The following ARID1B variants were observed in gnomAD, a reference collection of about 807,000 sequenced individuals.
ARID1B encodes the protein AT-rich interactive domain-containing protein 1B.
ARID1B carries 30 observed loss-of-function variants against 212.3 expected under a neutral mutation model. The ratio of observed to expected loss-of-function variants is 0.14; its 90% confidence interval spans 0.11 to 0.19. The LOEUF is 0.19. Ranked by LOEUF, ARID1B falls within the 10% of genes least tolerant of loss-of-function variation. The pLI, the probability that ARID1B is intolerant of heterozygous loss-of-function variation, is 1.00. For missense variants in ARID1B, 2,891 were observed against 3,204.0 expected (o/e 0.90, Z 2.36); for synonymous variants, 1,402 against 1,301.7 (o/e 1.08, Z -1.66).
rs577944746 is a variant in ARID1B at position 157,190,543 on chromosome 6, G to C, written c.4231+333G>C. ...TAGGACCCGCTTCCAAAGGCATGGC[G>C]AGGATTAAGTTCCTGCAACAGAGCT... On this transcript the variant is annotated intron_variant, in intron 15 of 19. Transcript: ENST00000636930. This position sits in a 1 kb window ranked among gnomAD's most constrained non-coding sequence, Gnocchi z 4.6. 2.0e-5 allele frequency among the ~76,000 whole-genome samples: 3 copies of C among 152,214 alleles called. No homozygotes were observed. The highest frequency in any genetic ancestry group is 2.0e-4 in the Admixed American group (3 of 15,286).
At chr6:157,026,000 C>T (rs1326239291) in intron 4 of ARID1B, among the ~76,000 whole-genome samples, 3 of 152,060 alleles carry the variant, frequency 2.0e-5, no homozygotes, top group Non-Finnish European at 4.4e-5. Context: ...TTTCGGCTCA[C>T]TGCAGCCTCC....
rs73005131 is a variant in ARID1B, at chr6:157,049,692, G to A, written c.2248-34970G>A. On this transcript the variant is annotated intron_variant, in intron 4 of 19. Transcript: ENST00000636930. ...CAAATGAATACATATTATTTATAAT[G>A]AGAATTGGATATAGGCTTATCTTAT... Among the ~76,000 whole-genome samples, 678 of 152,274 alleles carry A rather than the reference G, an allele frequency of 4.5e-3. 5 individuals carry two copies. The highest frequency in any genetic ancestry group is 7.1e-3 in the Non-Finnish European group (483 of 68,022).
At chr6:157,187,748 T>TC (rs1554232533) in intron 13 of ARID1B, among the ~76,000 whole-genome samples, 1 of 150,770 alleles carries the variant, frequency 6.6e-6, no homozygotes, top group Non-Finnish European at 1.5e-5. Flanking sequence ...TTTTTTTTTT[T>TC]CCATGAAAGG....
chr6:157,019,909 A>G (rs1780121191), intron 4 of ARID1B, among the ~76,000 whole-genome samples: 1 of 152,240 alleles, frequency 6.6e-6, no homozygotes. Flanking sequence ...GTGTATCTGG[A>G]CGACTCCTGT....
intron 4 of ARID1B, among the ~76,000 whole-genome samples, chr6:157,082,969 A>G (rs1411925784): frequency 6.6e-6 from 1 of 152,240 alleles, no homozygotes; most frequent in East Asian, 1.9e-4. Context: ...ATTATATGCT[A>G]TAACAGATGC....
intron 1 of ARID1B, among the ~76,000 whole-genome samples, chr6:156,812,810 C>T (rs1043383353): frequency 6.7e-6 from 1 of 150,182 alleles, no homozygotes; most frequent in Non-Finnish European, 1.5e-5. Context: ...ACAAGCTCGA[C>T]TTTTCCTACA....
rs1315207197 is a variant in ARID1B, at chr6:157,148,488, A to G, written c.2762-136A>G. 1.1e-6 allele frequency: 1 copy of G among 929,558 alleles called. No homozygotes were observed. Among genetic ancestry groups the G allele is most frequent in the Non-Finnish European group, 1.6e-6 (1 of 635,684 alleles). The allele number at this position is 929,558 out of a possible 1,614,324, so 57.6% of individuals were successfully genotyped here. A position where few individuals can be genotyped will look rare whatever the true frequency, so the allele number is the denominator to read the frequency against. On this transcript the variant is annotated intron_variant, in intron 7 of 19. Transcript: ENST00000636930. This position sits in a 1 kb window ranked among gnomAD's most constrained non-coding sequence, Gnocchi z 5.6. ...CATGTTTGAGACTGGCAGCTGCACC[A>G]GCAGCAACAGGAAGGGCCTATAACG...
At chr6:156,908,199 C>A (rs1368046060) in intron 3 of ARID1B, among the ~76,000 whole-genome samples, 1 of 151,982 alleles carries the variant, frequency 6.6e-6, no homozygotes, top group African/African-American at 2.4e-5. Flanking sequence ...CTGTGCCCAG[C>A]CATTTAAAAT....
chr6:156,889,348 G>A (rs181039360), intron 2 of ARID1B, among the ~76,000 whole-genome samples: 3 of 152,248 alleles, frequency 2.0e-5, no homozygotes, highest in East Asian at 1.9e-4. Flanking sequence ...GAATACTCTC[G>A]ATTGGATCCT....
intron 4 of ARID1B, among the ~76,000 whole-genome samples, chr6:156,989,550 A>C (rs1488240225): frequency 1.3e-5 from 2 of 152,236 alleles, no homozygotes; most frequent in African/African-American, 4.8e-5. Flanking sequence ...GGGGTGATAC[A>C]TATTTGGCCT....
chr6:157,047,626 A>G (rs1229318454), intron 4 of ARID1B, among the ~76,000 whole-genome samples: 1 of 152,194 alleles, frequency 6.6e-6, no homozygotes, highest in African/African-American at 2.4e-5. Context: ...ATTTTTGTAA[A>G]AAGACGTTAG....
chr6:156,841,990 A>G (rs183404954), intron 2 of ARID1B, among the ~76,000 whole-genome samples: 7 of 152,340 alleles, frequency 4.6e-5, no homozygotes, highest in Admixed American at 3.9e-4. Context: ...AATAAGACTG[A>G]TTATAATTAA....
intron 1 of ARID1B, among the ~76,000 whole-genome samples, chr6:156,792,504 A>G (rs1387205234): frequency 6.6e-6 from 1 of 152,258 alleles, no homozygotes; most frequent in African/African-American, 2.4e-5. Context: ...GCTAGTTTTA[A>G]AGAACATTTA....
At chr6:157,099,289 A>G (rs1785893241) in intron 5 of ARID1B, among the ~76,000 whole-genome samples, 2 of 152,188 alleles carry the variant, frequency 1.3e-5, no homozygotes, top group Admixed American at 6.5e-5. Context: ...TGACTTAAAT[A>G]GTTAAGTCTA....
At chr6:157,196,438 A>G in intron 16 of ARID1B, 123 bp downstream of exon 16, 1 of 1,290,732 alleles carries the variant, frequency 7.7e-7, no homozygotes, top group Non-Finnish European at 1.1e-6. Context: ...CTTTCCTGTG[A>G]AAGTAAAGAG....
At position 157,206,448 on chromosome 6, in the gene ARID1B, C is replaced by T. The variant is rs537400492; in HGVS notation, c.5676C>T (p.Asp1892=). The change falls in exon 20 of 20, where the codon GAC becomes GAT. Residue 1892 remains aspartate (D), a synonymous_variant. Transcript: ENST00000636930. This position sits in a 1 kb window ranked among gnomAD's most constrained non-coding sequence, Gnocchi z 6.8. The stretch of plus-strand genomic sequence containing the variant: ...GCAGCATCGCTCTGACTGCCCCGGA[C>T]GCCGCTGCAGACCCAAAGGAGAAGC... ...EKSSIALTAP[D]AAADPKEKPK... is the part of the protein sequence containing the mutation. 2.8e-5 allele frequency: 45 copies of T among 1,614,054 alleles called. No individual in the cohort carries two copies. The highest frequency in any genetic ancestry group is 7.7e-5 in the South Asian group (7 of 91,076).
chr6:156,946,604 TGG>T (rs1793171488), intron 4 of ARID1B, among the ~76,000 whole-genome samples: 1 of 150,752 alleles, frequency 6.6e-6, no homozygotes, highest in African/African-American at 2.4e-5. Context: ...GTCATGACCC[TGG>T]AGCAGGGACA....
intron 1 of ARID1B, among the ~76,000 whole-genome samples, chr6:156,828,743 T>G (rs956207427): frequency 6.6e-6 from 1 of 152,226 alleles, no homozygotes; most frequent in East Asian, 1.9e-4. Context: ...TTTTCACTTT[T>G]TAATGAACAC....
intron 1 of ARID1B, among the ~76,000 whole-genome samples, chr6:156,780,808 A>G (rs1226123816): frequency 6.6e-6 from 1 of 152,256 alleles, no homozygotes; most frequent in Non-Finnish European, 1.5e-5. Flanking sequence ...GTCTTAGAAT[A>G]TGCACATTAC....
Sources: gnomAD v4.1 joint callset for allele counts (sites outside exome capture counted in the v4.1 genomes callset) on GRCh38, gnomAD v4.1.1 for gene constraint, Gnocchi (gnomAD v3.1) non-coding constraint, MANE v1.5 for transcripts, NCBI Gene and HGNC (gene_info 2026-07-23, HGNC 2026-07-21) for gene names.